The following EXOSC2 variants were observed in gnomAD, a reference collection of about 807,000 sequenced individuals.
EXOSC2 encodes exosome complex component RRP4.
A neutral mutation model predicts 37.6 loss-of-function variants in EXOSC2; 29 were observed. That is an observed-to-expected ratio of 0.77 (90% CI 0.57 to 1.05). EXOSC2 has a LOEUF of 1.05. EXOSC2 is among the 50% of genes least tolerant of loss of function. The pLI is 0.00. For synonymous variants in EXOSC2, 119 were observed against 131.1 expected (o/e 0.91, Z 0.63); for missense variants, 346 against 365.6 (o/e 0.95, Z 0.44).
Position 130,694,061 on chromosome 9 carries a change from C to A in EXOSC2, c.122+148C>A. 1 of 908,840 alleles carries A rather than the reference C, an allele frequency of 1.1e-6. No homozygotes were observed. The highest frequency in any genetic ancestry group is 1.5e-6 in the Non-Finnish European group (1 of 647,800). The allele number at this position is 908,840 out of a possible 1,614,324, so 56.3% of individuals were successfully genotyped here. A position where few individuals can be genotyped will look rare whatever the true frequency, so the allele number is the denominator to read the frequency against. The stretch of plus-strand genomic sequence containing the variant: ...CATCCTACACACCTCGCTTCCGAGC[C>A]TCGTGCTTCTTGCTCCCTGCATCTT... On this transcript the variant is annotated intron_variant, in intron 1 of 8. Transcript: ENST00000372358. This position sits in a 1 kb window ranked among gnomAD's most constrained non-coding sequence, Gnocchi z 4.0.
Position 130,703,083 on chromosome 9 carries a change from TC to T in EXOSC2, c.706del (p.Arg236GlyfsTer10), listed in dbSNP as rs1316161545. On this transcript the variant is annotated frameshift_variant, in exon 8 of 9. Coordinates refer to ENST00000372358, the MANE Select transcript of EXOSC2 (RefSeq NM_014285.7). LOFTEE classifies it high-confidence loss of function. ...PVSLADREVI[S>X]RLRNCIISLV... is the part of the protein sequence containing the mutation. ...CTCTCTTGCTGATCGAGAGGTGATA[TC>T]CCGGCTTCGGAACTGCATCATCTCG... 3.1e-6 allele frequency: 5 copies of T among 1,613,844 alleles called. No homozygotes were observed. The African/African-American group carries it at 6.7e-5, about 22-fold the overall frequency.
chr9:130,699,625 G>A (rs777136844), intron 5 of EXOSC2: 29 of 558,336 alleles, frequency 5.2e-5, no homozygotes, highest in Admixed American at 9.2e-5. Flanking sequence ...TGTAACTTAC[G>A]GTGGCCTGTG....
intron 3 of EXOSC2, 100 bp downstream of exon 3, chr9:130,697,727 C>T: frequency 8.9e-7 from 1 of 1,126,352 alleles, no homozygotes; most frequent in Middle Eastern, 2.0e-4. Flanking sequence ...AAAAGGCATT[C>T]ATTGCATTTG....
At chr9:130,695,346 CA>C in intron 1 of EXOSC2, 145 bp from the exon 2 acceptor site, 1 of 679,830 alleles carries the variant, frequency 1.5e-6, no homozygotes, top group African/African-American at 1.8e-5. Flanking sequence ...GGAGAAGGAG[CA>C]CTGAAGGCAG....
chr9:130,696,842 A>G (rs564078399), intron 2 of EXOSC2, among the ~76,000 whole-genome samples: 23 of 152,302 alleles, frequency 1.5e-4, no homozygotes, highest in Non-Finnish European at 2.1e-4. Flanking sequence ...GGCCTGAGCA[A>G]CTGAGGGGAT....
At position 130,703,793 on chromosome 9, in the gene EXOSC2, C is replaced by A. The variant is rs201500823; in HGVS notation, c.*19C>A. 1.2e-6 allele frequency: 2 copies of A among 1,600,840 alleles called. No individual in the cohort carries two copies. The highest frequency in any genetic ancestry group is 1.7e-6 in the Non-Finnish European group (2 of 1,169,102). ...GGGATAAGGAGGTGCTCCAGAAGCA[C>A]GGGACTGTGGACCTTGCAGGAGTGA... On this transcript the variant is annotated 3_prime_UTR_variant, in exon 9 of 9. Coordinates refer to ENST00000372358, the MANE Select transcript of EXOSC2 (RefSeq NM_014285.7).
rs2132644650 is a variant in EXOSC2 at position 130,703,068 on chromosome 9, G to A, written c.688G>A (p.Asp230Asn). ...CTCCTTATAGCCTGTCTCTCTTGCT[G>A]ATCGAGAGGTGATATCCCGGCTTCG... The part of the protein sequence containing the change: ...IANLEPVSLA[D>N]REVISRLRNC... Residue 230 changes from aspartate (D) to asparagine (N), a missense_variant, in exon 8 of 9, where the codon GAT becomes AAT. Coordinates refer to ENST00000372358, the MANE Select transcript of EXOSC2 (RefSeq NM_014285.7). The A allele has an allele frequency of 6.2e-7, 1 of 1,613,578 alleles. No homozygotes were observed. Among genetic ancestry groups the A allele is most frequent in the East Asian group, 2.2e-5 (1 of 44,870 alleles).
chr9:130,699,581 T>C (rs911005511), intron 5 of EXOSC2, 187 bp downstream of exon 5: 6 of 633,250 alleles, frequency 9.5e-6, no homozygotes, highest in Admixed American at 5.5e-5. Flanking sequence ...CCAGCTCTTG[T>C]TGGGACCTGC....
chr9:130,693,818 G>T lies in EXOSC2; in HGVS notation c.27G>T (p.Val9=), dbSNP rs1831031789. The change falls in exon 1 of 9, where the codon GTG becomes GTT. Residue 9 remains valine, a synonymous_variant. Coordinates refer to ENST00000372358, the MANE Select transcript of EXOSC2 (RefSeq NM_014285.7). MAMEMRLP[V]ARKPLSERLG... ...TGGCGATGGAGATGAGGCTTCCAGT[G>T]GCTCGCAAGCCTCTTAGCGAGAGAC... The T allele has an allele frequency of 6.2e-7, 1 of 1,609,618 alleles. No individual in the cohort carries two copies. Among genetic ancestry groups the T allele is most frequent in the African/African-American group, 1.3e-5 (1 of 74,804 alleles).
chr9:130,698,917 T>A lies in EXOSC2; in HGVS notation c.361-412T>A, dbSNP rs1831153523. 6.6e-6 allele frequency among the ~76,000 whole-genome samples: 1 copy of A among 152,178 alleles called. No individual in the cohort carries two copies. The highest frequency in any genetic ancestry group is 1.5e-5 in the Non-Finnish European group (1 of 68,036). On this transcript the variant is annotated intron_variant, in intron 4 of 8. Transcript: ENST00000372358. This position sits in a 1 kb window ranked among gnomAD's most constrained non-coding sequence, Gnocchi z 4.1. ...TAGGAAAGACAGGCATTGGAGTTGA[T>A]CCTGGAAGGATGGAGAGACTTTGAA...
intron 3 of EXOSC2, 112 bp downstream of exon 3, chr9:130,697,739 C>A: frequency 1.0e-6 from 1 of 973,536 alleles, no homozygotes. Context: ...TTGCATTTGG[C>A]CGTTGTGTGG....
Position 130,698,375 on chromosome 9 carries a change from C to A in EXOSC2, c.360+124C>A. On this transcript the variant is annotated intron_variant, in intron 4 of 8. Coordinates refer to ENST00000372358, the MANE Select transcript of EXOSC2 (RefSeq NM_014285.7). The surrounding 1 kb of genome is among the most constrained non-coding windows in gnomAD (Gnocchi z 4.1). ...TGCCCCTTTGACTCCTGTTTGTCTG[C>A]TGTGAAGTTTGCTGCCTAGATGTGT... The A allele has an allele frequency of 3.8e-6, 3 of 796,298 alleles. No individual in the cohort carries two copies. The highest frequency in any genetic ancestry group is 6.1e-6 in the Non-Finnish European group (3 of 492,288). 49.3% of individuals were successfully genotyped at this position (796,298 alleles called of 1,614,324 possible). A position where few individuals can be genotyped will look rare whatever the true frequency, so the allele number is the denominator to read the frequency against.
chr9:130,698,118 C>T lies in EXOSC2; in HGVS notation c.271-44C>T, dbSNP rs1178246380. 2 of 1,568,108 alleles carry T rather than the reference C, an allele frequency of 1.3e-6. No homozygotes were observed. The highest frequency in any genetic ancestry group is 1.8e-6 in the Non-Finnish European group (2 of 1,138,572). Reference sequence around the variant, plus strand: ...CTTACTGGTTATTTATGATATGACACATGAACATGGAGCATGTGTCCAGGT... The same window carrying T: ...CTTACTGGTTATTTATGATATGACATATGAACATGGAGCATGTGTCCAGGT... On this transcript the variant is annotated intron_variant, in intron 3 of 8. Transcript: ENST00000372358. The surrounding 1 kb of genome is among the most constrained non-coding windows in gnomAD (Gnocchi z 4.1).
intron 6 of EXOSC2, 34 bp from the exon 7 acceptor site, chr9:130,702,100 T>C: frequency 6.2e-7 from 1 of 1,604,368 alleles, no homozygotes; most frequent in Non-Finnish European, 8.5e-7. Context: ...CCGCCAATCT[T>C]GCAGTGACCT....
At position 130,695,565 on chromosome 9, in the gene EXOSC2, T is replaced by C; in HGVS notation, c.196T>C (p.Leu66=). The C allele has an allele frequency of 6.2e-7, 1 of 1,614,142 alleles. No homozygotes were observed. Among genetic ancestry groups the C allele is most frequent in the Non-Finnish European group, 8.5e-7 (1 of 1,180,008 alleles). Residue 66 remains leucine (L), a synonymous_variant, in exon 2 of 9, where the codon TTG becomes CTG. Coordinates refer to ENST00000372358, the MANE Select transcript of EXOSC2 (RefSeq NM_014285.7). ...VAGSVERVNK[L]ICVKALKTRY... ...TGGCTCTGTGGAGAGAGTAAACAAG[T>C]TGATCTGTGTGAAAGCTTTGAAAAC...
chr9:130,698,427 C>A lies in EXOSC2; in HGVS notation c.360+176C>A, dbSNP rs1040318071. Among the ~76,000 whole-genome samples the A allele has an allele frequency of 6.6e-6, 1 of 152,212 alleles. No homozygotes were observed. The highest frequency in any genetic ancestry group is 2.4e-5 in the African/African-American group (1 of 41,444). On this transcript the variant is annotated intron_variant, in intron 4 of 8. Coordinates refer to ENST00000372358, the MANE Select transcript of EXOSC2 (RefSeq NM_014285.7). The surrounding 1 kb of genome is among the most constrained non-coding windows in gnomAD (Gnocchi z 4.1). ...TGTAGACTTTTCACCCTGTCCAGGT[C>A]TCCCGAAAGAGGGAGCAGTTGGCAT... is the stretch of plus-strand genomic sequence containing the variant.
chr9:130,700,995 C>T, intron 6 of EXOSC2, 60 bp downstream of exon 6: 5 of 1,534,666 alleles, frequency 3.3e-6, no homozygotes, highest in Non-Finnish European at 3.6e-6. Flanking sequence ...ATTTTTGAAT[C>T]CCCATAGCTC....
chr9:130,702,322 CTG>C lies in EXOSC2; in HGVS notation c.672+15_672+16del, dbSNP rs556125205. 2,606 of 1,608,376 alleles carry C rather than the reference CTG, an allele frequency of 1.6e-3. 5 individuals are homozygous for C. The highest frequency in any genetic ancestry group is 1.9e-3 in the Non-Finnish European group (2,262 of 1,176,108). Reference sequence around the variant, plus strand: ...TTGCAAACCTGGAGGTGAGCAAACACTGTGGCCATTTTCAGTGGGATGGAGGG... The same window carrying C: ...TTGCAAACCTGGAGGTGAGCAAACACTGGCCATTTTCAGTGGGATGGAGGG... On this transcript the variant is annotated intron_variant, in intron 7 of 8. Transcript: ENST00000372358.
rs1218799105 is a variant in EXOSC2 at position 130,702,390 on chromosome 9, TTGTTTTTAGC to T, written c.672+82_672+91del. On this transcript the variant is annotated intron_variant, in intron 7 of 8. Coordinates refer to ENST00000372358, the MANE Select transcript of EXOSC2 (RefSeq NM_014285.7). ...GTGTTTTTGTGGCCAGTGAAGTTGG[TTGTTTTTAGC>T]TATGTTACTGGTGTAGGCTGAGTCA... 2.3e-6 allele frequency: 3 copies of T among 1,297,056 alleles called. No homozygotes were observed. In the Admixed American group the frequency reaches 6.7e-5, roughly 29 times the overall value. The allele number at this position is 1,297,056 out of a possible 1,614,324, so 80.3% of individuals were successfully genotyped here.
Sources: allele counts gnomAD v4.1 joint callset (sites outside exome capture counted in the v4.1 genomes callset), GRCh38; gene constraint gnomAD v4.1.1; non-coding constraint Gnocchi (gnomAD v3.1); transcripts MANE v1.5; gene names NCBI Gene and HGNC (gene_info 2026-07-23, HGNC 2026-07-21).